PDE4DIP: variants seen among roughly 807,000 people sequenced by gnomAD.
PDE4DIP encodes the protein myomegalin.
Under a neutral mutation model 221.4 loss-of-function variants are expected in PDE4DIP, and 59 were observed. The ratio of observed to expected loss-of-function variants is 0.27; its 90% CI spans 0.22 to 0.33. The LOEUF is 0.33. Among genes scored for constraint, PDE4DIP ranks in the 10% least tolerant of loss-of-function variants. PDE4DIP has a pLI of 1.00. For synonymous variants in PDE4DIP, 404 were observed against 815.9 expected, an observed-to-expected ratio of 0.50 and a Z score of 8.60; for missense variants, 1,036 against 2,154.2, an observed-to-expected ratio of 0.48 and a Z score of 10.28.
intron 5 of PDE4DIP, among the ~76,000 whole-genome samples, chr1:148,938,668 C>T (rs1445492145): frequency 6.6e-6 from 1 of 152,164 alleles, no homozygotes; most frequent in Non-Finnish European, 1.5e-5. Context: ...GGCATATTCT[C>T]TGTTTGTATA....
intron 4 of PDE4DIP, among the ~76,000 whole-genome samples, chr1:148,935,106 C>T (rs1331407068): frequency 1.6e-4 from 25 of 151,882 alleles, no homozygotes; most frequent in Admixed American, 1.5e-3. Flanking sequence ...CCCAGCTACT[C>T]GGGAGGCTGA....
intron 9 of PDE4DIP, among the ~76,000 whole-genome samples, chr1:148,964,166 A>G (rs1259526888): frequency 6.8e-6 from 1 of 146,210 alleles, no homozygotes; most frequent in Non-Finnish European, 1.5e-5. Context: ...CTGGAGTGCA[A>G]CGACACAATC....
intron 32 of PDE4DIP, among the ~76,000 whole-genome samples, chr1:149,013,672 T>G (rs1425536799): frequency 1.5e-4 from 15 of 102,690 alleles, no homozygotes; most frequent in Non-Finnish European, 2.5e-4. Context: ...ACTGATAGGG[T>G]CACCATGCCA....
intron 1 of PDE4DIP, among the ~76,000 whole-genome samples, chr1:148,820,655 T>A (rs1668879763): frequency 6.7e-6 from 1 of 148,164 alleles, no homozygotes; most frequent in African/African-American, 2.5e-5. Context: ...TTGTTTTGGG[T>A]TTTTGACTGT....
chr1:148,939,792 T>A (rs1553478280), intron 5 of PDE4DIP: 1 of 149,958 alleles, frequency 6.7e-6, no homozygotes, highest in Non-Finnish European at 1.5e-5. Context: ...CTACACTTGA[T>A]CTTAGCCAAA....
chr1:148,828,902 C>T (rs1203207081), intron 1 of PDE4DIP, among the ~76,000 whole-genome samples: 372 of 150,860 alleles, frequency 2.5e-3, no homozygotes, highest in African/African-American at 8.3e-3. Context: ...CACACACACA[C>T]GGTTCACAGT....
chr1:148,949,183 A>G (rs1461520755), intron 5 of PDE4DIP, among the ~76,000 whole-genome samples: 3 of 152,044 alleles, frequency 2.0e-5, no homozygotes, highest in Non-Finnish European at 4.4e-5. Context: ...ATTTAAGTAC[A>G]AAAGCAGTAA....
Position 148,991,581 on chromosome 1 carries a change from C to G in PDE4DIP, c.2816-304C>G, listed in dbSNP as rs1336567508. On this transcript the variant is annotated intron_variant, in intron 21 of 43. Transcript: ENST00000369354. Reference sequence around the variant, plus strand: ...TGTAGCCAGGCAGTGGGGAATAATTCAGGCTTTCTTGACATTCGAGTGGGG... The same window carrying G: ...TGTAGCCAGGCAGTGGGGAATAATTGAGGCTTTCTTGACATTCGAGTGGGG... The G allele has an allele frequency of 3.1e-6, 3 of 982,806 alleles. No homozygotes were observed. The African/African-American group carries it at 5.2e-5, about 17-fold the overall frequency. The allele number at this position is 982,806 out of a possible 1,614,324, so 60.9% of individuals were successfully genotyped here.
chr1:148,982,844 C>T (rs587703484), intron 21 of PDE4DIP: 1 of 151,934 alleles, frequency 6.6e-6, no homozygotes, highest in East Asian at 1.9e-4. Flanking sequence ...GTTGACATGG[C>T]TTGTATTACA....
intron 32 of PDE4DIP, among the ~76,000 whole-genome samples, chr1:149,013,856 C>T (rs587601215): frequency 7.1e-6 from 1 of 141,020 alleles, no homozygotes; most frequent in African/African-American, 2.7e-5. Flanking sequence ...GGCACGATCT[C>T]GGCTCACTGC....
Position 148,960,789 on chromosome 1 carries a change from T to C in PDE4DIP, c.768+4T>C, listed in dbSNP as rs374676221. Reference sequence around the variant, plus strand: ...GCAAACAGAGGCCACCAACAAGGTATGATTAGTACTATGCCCTAGGAGATG... The same window carrying C: ...GCAAACAGAGGCCACCAACAAGGTACGATTAGTACTATGCCCTAGGAGATG... On this transcript the variant is annotated splice_donor_region_variant and intron_variant, in intron 6 of 43. Transcript: ENST00000369354. 6 of 474,192 alleles carry C rather than the reference T, an allele frequency of 1.3e-5. No homozygotes were observed. In the African/African-American group the frequency reaches 1.3e-4, roughly 10 times the overall value. 29.4% of individuals were successfully genotyped at this position (474,192 alleles called of 1,614,324 possible).
exon 19 of PDE4DIP, chr1:148,978,311 A>T (rs1379748854): frequency 1.2e-6 from 2 of 1,612,394 alleles, no homozygotes; most frequent in African/African-American, 2.7e-5. Context: ...TCCTGAAGAC[A>T]TACCAGCTAT....
At chr1:149,025,295 G>A (rs2074806102) in intron 38 of PDE4DIP, among the ~76,000 whole-genome samples, 1 of 152,048 alleles carries the variant, frequency 6.6e-6, no homozygotes, top group Admixed American at 6.5e-5. Context: ...CCCTGTCTCA[G>A]TATTGCCGAC....
At chr1:149,001,890 T>C (rs2065746276) in exon 24 of PDE4DIP, 9 of 1,613,888 alleles carry the variant, frequency 5.6e-6, no homozygotes, top group Admixed American at 1.7e-5. Context: ...ACCAGCACCA[T>C]TGAAAGAATA....
Position 148,966,661 on chromosome 1 carries a change from G to C in PDE4DIP, c.1467+5G>C. 7.2e-7 allele frequency: 1 copy of C among 1,391,908 alleles called. No individual in the cohort carries two copies. The highest frequency in any genetic ancestry group is 1.0e-6 in the Non-Finnish European group (1 of 980,840). The allele number at this position is 1,391,908 out of a possible 1,614,324, so 86.2% of individuals were successfully genotyped here. ...GATAAAGCTGTTGCTCTGGAGGTAT[G>C]TATCATCATTTCGCCCACTATGCTA... On this transcript the variant is annotated splice_donor_5th_base_variant and intron_variant, in intron 11 of 43. Coordinates refer to ENST00000369354, the Ensembl canonical transcript of PDE4DIP.
intron 5 of PDE4DIP, among the ~76,000 whole-genome samples, chr1:148,956,748 TA>T (rs1330861402): frequency 3.0e-5 from 4 of 133,428 alleles, no homozygotes; most frequent in Non-Finnish European, 6.4e-5. Context: ...GTGACTATGG[TA>T]AATTTATCCC....
exon 31 of PDE4DIP, chr1:149,010,587 C>T (rs150486668): frequency 1.4e-5 from 22 of 1,613,878 alleles, no homozygotes; most frequent in Non-Finnish European, 1.8e-5. Context: ...GCCAACCAGG[C>T]CCATTCAGGT....
intron 35 of PDE4DIP, among the ~76,000 whole-genome samples, chr1:149,019,780 C>T (rs1425374839): frequency 6.6e-6 from 1 of 152,184 alleles, no homozygotes; most frequent in Admixed American, 6.5e-5. Context: ...CAAAAAATCT[C>T]AGTTTTCAAA....
intron 14 of PDE4DIP, among the ~76,000 whole-genome samples, chr1:148,969,697 G>A (rs1445522454): frequency 1.4e-5 from 2 of 148,126 alleles, no homozygotes; most frequent in Non-Finnish European, 3.0e-5. Flanking sequence ...CAATATTTAA[G>A]AAGTAAATTC....
Sources: gnomAD v4.1 joint callset for allele counts (sites outside exome capture counted in the v4.1 genomes callset) on GRCh38, gnomAD v4.1.1 for gene constraint, MANE v1.5 for transcripts, NCBI Gene and HGNC (gene_info 2026-07-23, HGNC 2026-07-21) for gene names.